Variants in EHD2 observed in about 807,000 individuals in gnomAD.
EHD2 encodes EH domain-containing protein 2.
In EHD2, 27 loss-of-function variants were observed where a neutral mutation model predicts 41.0. That is an observed-to-expected ratio of 0.66 (90% confidence interval 0.49 to 0.91). EHD2 has a LOEUF of 0.91. Ranked by LOEUF, EHD2 falls within the 40% of genes least tolerant of loss-of-function variation. The pLI is 0.00. For missense variants in EHD2, 673 were observed against 773.9 expected, an observed-to-expected ratio of 0.87 and a Z score of 1.55; for synonymous variants, 342 against 341.0, an observed-to-expected ratio of 1.00 and a Z score of -0.03.
intron 1 of EHD2, among the ~76,000 whole-genome samples, chr19:47,715,193 T>C (rs1438385281): frequency 3.3e-5 from 5 of 152,092 alleles, no homozygotes; most frequent in South Asian, 2.1e-4. Context: ...AATGTTGCAT[T>C]ATTTTTCTTG....
At chr19:47,737,898 T>G (rs1966942329) in intron 5 of EHD2, among the ~76,000 whole-genome samples, 1 of 141,926 alleles carries the variant, frequency 7.0e-6, no homozygotes, top group Non-Finnish European at 1.6e-5. Context: ...TTTTTTTTTT[T>G]GAGACAGAGT....
At chr19:47,718,088 C>G (rs1973649487) in intron 2 of EHD2, among the ~76,000 whole-genome samples, 1 of 150,786 alleles carries the variant, frequency 6.6e-6, no homozygotes, top group South Asian at 2.1e-4. Context: ...GCCTGGCCAA[C>G]ATGGTGAAAC....
At chr19:47,718,349 A>G (rs1187483720) in intron 2 of EHD2, among the ~76,000 whole-genome samples, 160 bp from the exon 3 acceptor site, 2 of 151,308 alleles carry the variant, frequency 1.3e-5, no homozygotes, top group African/African-American at 2.4e-5. Flanking sequence ...GGCTGGTTAT[A>G]ACTCTGAGAT....
intron 2 of EHD2, among the ~76,000 whole-genome samples, chr19:47,717,474 G>A (rs1486529139): frequency 6.6e-6 from 1 of 152,116 alleles, no homozygotes. Flanking sequence ...TCCCATGCCT[G>A]TCTCTGCTCT....
intron 4 of EHD2, 129 bp downstream of exon 4, chr19:47,726,353 G>A (rs1973752682): frequency 1.1e-5 from 13 of 1,149,424 alleles, no homozygotes; most frequent in Non-Finnish European, 1.5e-5. Context: ...GGTCATTCTG[G>A]CACAGAGTGA....
intron 4 of EHD2, among the ~76,000 whole-genome samples, chr19:47,730,024 C>G (rs561596272): frequency 6.6e-6 from 1 of 152,104 alleles, no homozygotes; most frequent in African/African-American, 2.4e-5. Context: ...AGGTTCGTTC[C>G]CGCGGGTCCC....
chr19:47,735,171 G>A (rs1212894925), intron 4 of EHD2, among the ~76,000 whole-genome samples: 1 of 152,188 alleles, frequency 6.6e-6, no homozygotes, highest in Non-Finnish European at 1.5e-5. Context: ...CAGCTCTGAG[G>A]GCTAGGCTCA....
At chr19:47,720,128 T>C (rs1198146087) in intron 3 of EHD2, among the ~76,000 whole-genome samples, 3 of 151,880 alleles carry the variant, frequency 2.0e-5, no homozygotes, top group Non-Finnish European at 2.9e-5. Context: ...TGTGTGTGTG[T>C]GTGTGCGCAT....
chr19:47,716,778 G>A lies in EHD2; in HGVS notation c.166G>A (p.Asp56Asn), dbSNP rs372776185. The A allele has an allele frequency of 5.6e-6, 9 of 1,612,494 alleles. No individual in the cohort carries two copies. The highest frequency in any genetic ancestry group is 1.7e-4 in the Middle Eastern group (1 of 6,056). The change falls in exon 2 of 6, where the codon GAC becomes AAC. Residue 56 changes from aspartate to asparagine, a missense_variant. Coordinates refer to ENST00000263277, the MANE Select transcript of EHD2 (RefSeq NM_014601.4). ...GCCGGCCCTGGAGGACGCAGACTTC[G>A]ACGGCAAGCCCATGGTGCTGGTGGC... ...HSPALEDADFDGKPMVLVAGQ... is the reference protein window; with the variant it reads ...HSPALEDADFNGKPMVLVAGQ...
chr19:47,732,641 G>C (rs965746700), intron 4 of EHD2, among the ~76,000 whole-genome samples: 2 of 150,940 alleles, frequency 1.3e-5, no homozygotes, highest in Admixed American at 6.6e-5. Context: ...GGCTGGTCTC[G>C]AACTTCTGGC....
At chr19:47,722,860 G>T (rs550682286) in intron 3 of EHD2, among the ~76,000 whole-genome samples, 2 of 152,198 alleles carry the variant, frequency 1.3e-5, no homozygotes, top group Admixed American at 1.3e-4. Flanking sequence ...GAGCCACCAC[G>T]CCTAGCTAGT....
At chr19:47,737,705 T>C (rs1228378423) in intron 5 of EHD2, among the ~76,000 whole-genome samples, 3 of 151,748 alleles carry the variant, frequency 2.0e-5, no homozygotes, top group African/African-American at 7.2e-5. Context: ...AATTTATTTA[T>C]ATATTTTTTA....
At chr19:47,720,743 G>A (rs1446779444) in intron 3 of EHD2, among the ~76,000 whole-genome samples, 2 of 152,124 alleles carry the variant, frequency 1.3e-5, no homozygotes, top group Non-Finnish European at 2.9e-5. Context: ...TTGTGTGGCT[G>A]CATGGGGCGG....
chr19:47,716,364 A>G (rs2123632768), intron 1 of EHD2, among the ~76,000 whole-genome samples, 194 bp from the exon 2 acceptor site: 1 of 152,198 alleles, frequency 6.6e-6, no homozygotes, highest in South Asian at 2.1e-4. Context: ...GGTGTGAGCC[A>G]TCGCGCCTGG....
rs200005173 is a variant in EHD2, at chr19:47,741,159, C to T, written c.1359C>T (p.Tyr453=). The change falls in exon 6 of 6, where the codon TAC becomes TAT. Residue 453 remains tyrosine, a synonymous_variant. Transcript: ENST00000263277. This position sits in a 1 kb window ranked among gnomAD's most constrained non-coding sequence, Gnocchi z 4.5. ...TGGTGACCAAGGACAAGTCCAAATA[C>T]GACGAGATCTTCTACAACCTGGCGC... ...EWVVTKDKSK[Y]DEIFYNLAPA... The T allele has an allele frequency of 1.8e-4, 283 of 1,613,156 alleles. No homozygotes were observed. The highest frequency in any genetic ancestry group is 5.3e-4 in the South Asian group (48 of 91,088).
At chr19:47,725,610 G>T (rs1973742596) in intron 3 of EHD2, among the ~76,000 whole-genome samples, 1 of 152,152 alleles carries the variant, frequency 6.6e-6, no homozygotes, top group Admixed American at 6.5e-5. Context: ...GAGCGAGGGG[G>T]GAAATTCTGG....
intron 3 of EHD2, among the ~76,000 whole-genome samples, chr19:47,723,964 T>C (rs1043138326): frequency 5.3e-5 from 8 of 150,672 alleles, no homozygotes; most frequent in Non-Finnish European, 1.2e-4. Flanking sequence ...GGATTACAGG[T>C]GTGAGCCACT....
intron 3 of EHD2, among the ~76,000 whole-genome samples, chr19:47,723,465 T>G (rs1002220748): frequency 2.6e-5 from 4 of 151,840 alleles, no homozygotes; most frequent in African/African-American, 7.3e-5. Context: ...ATGGAGACCA[T>G]CCTGGCCAAC....
rs57266469 is a variant in EHD2, at chr19:47,739,274, ATTTTTTTT to A, written c.1081-1587_1081-1580del. Among the ~76,000 whole-genome samples, 924 of 116,062 alleles carry A rather than the reference ATTTTTTTT, an allele frequency of 8.0e-3. 15 individuals are homozygous for A. The highest frequency in any genetic ancestry group is 0.027 in the African/African-American group (862 of 32,424). The allele number at this position is 116,062 out of a possible 152,430, so 76.1% of individuals were successfully genotyped here. A position where few individuals can be genotyped will look rare whatever the true frequency, so the allele number is the denominator to read the frequency against. On this transcript the variant is annotated intron_variant, in intron 5 of 5. Transcript: ENST00000263277. ...CACCACCACACCTGGCTAATTTTTA[ATTTTTTTT>A]TTTTTTTTTTTTTTTTTTTAAGAAA...
Sources: gnomAD v4.1 joint callset for allele counts (sites outside exome capture counted in the v4.1 genomes callset) on GRCh38, gnomAD v4.1.1 for gene constraint, Gnocchi (gnomAD v3.1) non-coding constraint, MANE v1.5 for transcripts, NCBI Gene and HGNC (gene_info 2026-07-23, HGNC 2026-07-21) for gene names.